The following SLC26A7 variants were observed in gnomAD, a reference collection of about 807,000 sequenced individuals.
SLC26A7 encodes the protein anion exchange transporter.
SLC26A7 carries 59 observed loss-of-function variants against 82.5 expected under a neutral mutation model. The observed-to-expected ratio is 0.72, with a 90% CI of 0.58 to 0.89. The LOEUF (loss-of-function observed/expected upper bound fraction) is 0.89. Ranked by LOEUF, SLC26A7 falls within the 40% of genes least tolerant of loss-of-function variation. The pLI is 0.00. For synonymous variants in SLC26A7, 271 were observed against 274.3 expected (o/e 0.99, Z 0.12); for missense variants, 820 against 793.0 (o/e 1.03, Z -0.41).
At chr8:91,366,124 G>A (rs1458391416) in intron 13 of SLC26A7, among the ~76,000 whole-genome samples, 1 of 152,026 alleles carries the variant, frequency 6.6e-6, no homozygotes, top group Non-Finnish European at 1.5e-5. Context: ...CACTTGTAAA[G>A]TTATATTTCA....
intron 7 of SLC26A7, among the ~76,000 whole-genome samples, chr8:91,338,584 A>G (rs976831646): frequency 6.6e-6 from 1 of 152,136 alleles, no homozygotes; most frequent in Admixed American, 6.6e-5. Context: ...TTCTATGACT[A>G]TTTTCATTTC....
chr8:91,258,018 C>T (rs1810853743), intron 2 of SLC26A7, among the ~76,000 whole-genome samples: 1 of 152,010 alleles, frequency 6.6e-6, no homozygotes, highest in African/African-American at 2.4e-5. Flanking sequence ...ACCATAAGAT[C>T]TCATGAGACT....
chr8:91,340,618 A>G (rs747653039), intron 8 of SLC26A7, 67 bp downstream of exon 8: 1 of 1,586,560 alleles, frequency 6.3e-7, no homozygotes, highest in Non-Finnish European at 8.6e-7. Context: ...CCAGATCCTA[A>G]AAATGATGAA....
intron 2 of SLC26A7, among the ~76,000 whole-genome samples, chr8:91,283,657 C>G (rs536812633): frequency 1.3e-5 from 2 of 152,238 alleles, no homozygotes; most frequent in African/African-American, 4.8e-5. Flanking sequence ...CTCTCCTTAG[C>G]CATTCTAGGC....
At chr8:91,241,365 G>A (rs1810471592) in intron 2 of SLC26A7, among the ~76,000 whole-genome samples, 1 of 152,128 alleles carries the variant, frequency 6.6e-6, no homozygotes, top group South Asian at 2.1e-4. Flanking sequence ...AATCAACAGT[G>A]TGATTATGGA....
At chr8:91,284,245 GCA>G (rs1426355477) in intron 2 of SLC26A7, among the ~76,000 whole-genome samples, 1 of 152,122 alleles carries the variant, frequency 6.6e-6, no homozygotes, top group African/African-American at 2.4e-5. Context: ...CTGGGAAGAG[GCA>G]CTGTGTTCTT....
At chr8:91,237,160 C>G (rs558587546) in intron 2 of SLC26A7, among the ~76,000 whole-genome samples, 1 of 152,338 alleles carries the variant, frequency 6.6e-6, no homozygotes, top group Non-Finnish European at 1.5e-5. Context: ...ATCCAATTCA[C>G]TACACCAAAA....
chr8:91,289,987 G>A (rs1479360673), intron 3 of SLC26A7, among the ~76,000 whole-genome samples: 1 of 152,040 alleles, frequency 6.6e-6, no homozygotes, highest in African/African-American at 2.4e-5. Context: ...CTGCTTTCTT[G>A]ATAGCAAAAT....
chr8:91,372,235 T>C (rs1814385540), intron 15 of SLC26A7, among the ~76,000 whole-genome samples: 1 of 152,024 alleles, frequency 6.6e-6, no homozygotes, highest in Admixed American at 6.6e-5. Context: ...GCCTCTAGTT[T>C]AACTAAGCCC....
intron 4 of SLC26A7, among the ~76,000 whole-genome samples, chr8:91,302,385 C>G (rs1812190304): frequency 6.6e-6 from 1 of 151,964 alleles, no homozygotes; most frequent in Admixed American, 6.6e-5. Flanking sequence ...AACATAAGAC[C>G]ATCCAATGTC....
At chr8:91,390,784 A>G (rs560195741) in intron 16 of SLC26A7, among the ~76,000 whole-genome samples, 1 of 152,274 alleles carries the variant, frequency 6.6e-6, no homozygotes, top group East Asian at 1.9e-4. Context: ...CCCCCTCATC[A>G]TGCCAGGACC....
chr8:91,279,125 G>GTGTA lies in SLC26A7; in HGVS notation c.194-10010_194-10009insGTAT, dbSNP rs1382744780. On this transcript the variant is annotated intron_variant, in intron 2 of 18. Coordinates refer to ENST00000276609, the MANE Select transcript of SLC26A7 (RefSeq NM_052832.4). ...TATTTCATAGTATGTGTGTGTGTGT[G>GTGTA]TATATATATATATATATATATATAT... 1.5e-3 allele frequency among the ~76,000 whole-genome samples: 163 copies of GTGTA among 111,248 alleles called. 1 individual carries two copies. Among genetic ancestry groups the GTGTA allele is most frequent in the African/African-American group, 4.7e-3 (132 of 28,276 alleles). The allele number at this position is 111,248 out of a possible 152,430, so 73.0% of individuals were successfully genotyped here. A position where few individuals can be genotyped will look rare whatever the true frequency, so the allele number is the denominator to read the frequency against.
intron 5 of SLC26A7, among the ~76,000 whole-genome samples, chr8:91,323,353 T>G (rs960884821): frequency 7.2e-5 from 11 of 152,192 alleles, no homozygotes; most frequent in African/African-American, 2.7e-4. Flanking sequence ...GGATTCTAAA[T>G]CAGAGAGCAA....
At chr8:91,368,538 C>T (rs1459372123) in intron 14 of SLC26A7, among the ~76,000 whole-genome samples, 1 of 152,016 alleles carries the variant, frequency 6.6e-6, no homozygotes, top group African/African-American at 2.4e-5. Flanking sequence ...CCTGCCTCAG[C>T]CTCCAGAGTA....
chr8:91,394,522 T>C (rs974748260), intron 18 of SLC26A7: 2 of 1,315,270 alleles, frequency 1.5e-6, no homozygotes, highest in African/African-American at 3.0e-5. Flanking sequence ...ATGCTGGGCT[T>C]ATGGTTTAGT....
At chr8:91,221,203 T>G (rs1810155595) in intron 2 of SLC26A7, among the ~76,000 whole-genome samples, 1 of 152,218 alleles carries the variant, frequency 6.6e-6, no homozygotes, top group African/African-American at 2.4e-5. Flanking sequence ...TTTGCCCACT[T>G]TTTGATGGGG....
intron 2 of SLC26A7, among the ~76,000 whole-genome samples, chr8:91,239,153 G>A (rs1376511272): frequency 1.3e-5 from 2 of 151,878 alleles, no homozygotes; most frequent in East Asian, 3.9e-4. Flanking sequence ...GGCGGATCAC[G>A]AGGTCTGGAT....
chr8:91,293,662 C>T (rs547087499), intron 3 of SLC26A7, among the ~76,000 whole-genome samples: 5 of 152,242 alleles, frequency 3.3e-5, no homozygotes, highest in Non-Finnish European at 7.4e-5. Context: ...TTTTACTGTT[C>T]GATTCCTTCC....
rs570899115 is a variant in SLC26A7, at chr8:91,397,444, A to G, written c.*2347A>G. 7.2e-5 allele frequency: 11 copies of G among 152,660 alleles called. No individual in the cohort carries two copies. The highest frequency in any genetic ancestry group is 2.6e-4 in the African/African-American group (11 of 41,562). The allele number at this position is 152,660 out of a possible 1,614,324, so 9.5% of individuals were successfully genotyped here. A position where few individuals can be genotyped will look rare whatever the true frequency, so the allele number is the denominator to read the frequency against. ...ATTTTTATGAGATTACCTTATTTTT[A>G]TATATGACAAACTACTTCTATAATG... On this transcript the variant is annotated 3_prime_UTR_variant, in exon 19 of 19. Coordinates refer to ENST00000276609, the MANE Select transcript of SLC26A7 (RefSeq NM_052832.4).
Sources: allele counts gnomAD v4.1 joint callset (sites outside exome capture counted in the v4.1 genomes callset), GRCh38; gene constraint gnomAD v4.1.1; transcripts MANE v1.5; gene names NCBI Gene and HGNC (gene_info 2026-07-23, HGNC 2026-07-21).